ARHGEF18: variants seen among roughly 807,000 people sequenced by gnomAD.
ARHGEF18 encodes the protein Rho/Rac guanine nucleotide exchange factor 18.
In ARHGEF18, 93 loss-of-function variants were observed where a neutral mutation model predicts 155.7. That is an observed-to-expected ratio of 0.60 (90% CI 0.50 to 0.71). The LOEUF (loss-of-function observed/expected upper bound fraction) is 0.71, where lower values mean the gene tolerates loss of function less well. Among genes scored for constraint, ARHGEF18 ranks in the 30% least tolerant of loss-of-function variants. ARHGEF18 has a pLI of 0.00. For synonymous variants in ARHGEF18, 742 were observed against 753.1 expected (o/e 0.99, Z 0.24); for missense variants, 1,593 against 1,816.1 (o/e 0.88, Z 2.23).
chr19:7,378,424 A>G lies in ARHGEF18; in HGVS notation c.572A>G (p.Glu191Gly), dbSNP rs1970563173. The G allele has an allele frequency of 1.6e-6, 2 of 1,234,230 alleles. No individual in the cohort carries two copies. Among genetic ancestry groups the G allele is most frequent in the East Asian group, 6.3e-5 (2 of 31,682 alleles). The allele number at this position is 1,234,230 out of a possible 1,614,324, so 76.5% of individuals were successfully genotyped here. The change falls in exon 6 of 29, where the codon GAA becomes GGA. Residue 191 changes from glutamate (E) to glycine (G), a missense_variant. Physicochemically the swap from Glu to Gly is moderately conservative, Grantham distance 98. Transcript: ENST00000668164. ...GLEPPVLECM[E>G]KDHVEPDHVL... ...GAACCTCCAGTGCTGGAGTGCATGG[A>G]AAAAGACCATGTGGAACCAGATCAC...
At chr19:7,446,850 C>T (rs189958289) in intron 14 of ARHGEF18, among the ~76,000 whole-genome samples, 193 bp from the exon 15 acceptor site, 4 of 148,786 alleles carry the variant, frequency 2.7e-5, no homozygotes, top group Admixed American at 6.8e-5. Context: ...GAGCCAAGAT[C>T]GCGCCATTGC....
chr19:7,420,807 CA>C, intron 10 of ARHGEF18, among the ~76,000 whole-genome samples: 1 of 152,326 alleles, frequency 6.6e-6, no homozygotes, highest in Admixed American at 6.5e-5. Context: ...TGCCCTGAGT[CA>C]CACCCGTCGT....
intron 16 of ARHGEF18, among the ~76,000 whole-genome samples, chr19:7,452,633 T>G (rs1210286447): frequency 6.6e-6 from 1 of 151,508 alleles, no homozygotes; most frequent in African/African-American, 2.4e-5. Flanking sequence ...GCCTGGCTAA[T>G]TTTTATATTT....
intron 10 of ARHGEF18, among the ~76,000 whole-genome samples, chr19:7,427,943 C>CAAAAAAG (rs1434944282): frequency 7.4e-5 from 11 of 148,764 alleles, no homozygotes; most frequent in African/African-American, 2.7e-4. Context: ...GACTCTGTCT[C>CAAAAAAG]AAAAAAGAAA....
intron 10 of ARHGEF18, among the ~76,000 whole-genome samples, chr19:7,408,907 G>A (rs1401172931): frequency 1.3e-5 from 2 of 152,054 alleles, no homozygotes; most frequent in East Asian, 3.9e-4. Context: ...TTACACACGC[G>A]TGGTGACTAC....
chr19:7,421,141 G>A (rs1233450650), intron 10 of ARHGEF18, among the ~76,000 whole-genome samples: 1 of 59,462 alleles, frequency 1.7e-5, no homozygotes, highest in Non-Finnish European at 2.9e-5. Flanking sequence ...GTGTTGTCCA[G>A]GCTGGTCTCA....
intron 10 of ARHGEF18, among the ~76,000 whole-genome samples, chr19:7,408,147 C>T (rs1421427439): frequency 6.6e-6 from 1 of 151,934 alleles, no homozygotes; most frequent in Non-Finnish European, 1.5e-5. Flanking sequence ...GGCATTGTGG[C>T]TTATGCCTAT....
intron 1 of ARHGEF18, among the ~76,000 whole-genome samples, chr19:7,360,030 C>T (rs1390173983): frequency 1.3e-5 from 2 of 151,998 alleles, no homozygotes; most frequent in Admixed American, 6.6e-5. Context: ...TGGTACACAT[C>T]GGTGGTCCCA....
At chr19:7,391,119 ACCTG>A (rs1971379311) in intron 10 of ARHGEF18, among the ~76,000 whole-genome samples, 1 of 151,944 alleles carries the variant, frequency 6.6e-6, no homozygotes, top group African/African-American at 2.4e-5. Context: ...ACCCCTCCCC[ACCTG>A]TGTCAGGAGG....
At position 7,395,012 on chromosome 19, in the gene ARHGEF18, G is replaced by A. The variant is rs944309297; in HGVS notation, c.967+11809G>A. The A allele has an allele frequency of 7.2e-6, 7 of 978,092 alleles. No individual in the cohort carries two copies. The highest frequency in any genetic ancestry group is 8.5e-6 in the Non-Finnish European group (7 of 823,438). The allele number at this position is 978,092 out of a possible 1,614,324, so 60.6% of individuals were successfully genotyped here. On this transcript the variant is annotated intron_variant, in intron 10 of 28. Transcript: ENST00000668164. This position sits in a 1 kb window ranked among gnomAD's most constrained non-coding sequence, Gnocchi z 5.0. ...CCTCACCACGGCTCGGGGAGCAGCA[G>A]CCCCAGGTCCCCGGGAGCGCCCCGC... is the stretch of plus-strand genomic sequence containing the variant.
chr19:7,436,026 C>T (rs1199604315), intron 10 of ARHGEF18, among the ~76,000 whole-genome samples: 3 of 151,942 alleles, frequency 2.0e-5, no homozygotes, highest in Non-Finnish European at 4.4e-5. Context: ...TTTTAAGAGA[C>T]GAGATCTCAC....
intron 10 of ARHGEF18, among the ~76,000 whole-genome samples, chr19:7,401,934 A>G (rs1972037407): frequency 6.6e-6 from 1 of 152,196 alleles, no homozygotes; most frequent in South Asian, 2.1e-4. Context: ...GGACCTGGAA[A>G]AAACTTGCTC....
chr19:7,425,032 G>GCTATA (rs1483474779), intron 10 of ARHGEF18, among the ~76,000 whole-genome samples: 18 of 151,352 alleles, frequency 1.2e-4, no homozygotes, highest in African/African-American at 4.4e-4. Flanking sequence ...AGGTAACAGT[G>GCTATA]CTATAGGTGA....
At chr19:7,394,720 C>T (rs139651647) in intron 10 of ARHGEF18, among the ~76,000 whole-genome samples, 3,004 of 151,806 alleles carry the variant, frequency 0.02, 39 homozygotes, top group Middle Eastern at 0.054. Flanking sequence ...CTGTCCTCCT[C>T]AGGACTCCCT....
rs533846947 is a variant in ARHGEF18 at position 7,443,487 on chromosome 19, C to T, written c.1361-717C>T. On this transcript the variant is annotated intron_variant, in intron 13 of 28. Transcript: ENST00000668164. ...GAGTGCTGGGATTACAGACGTGAGC[C>T]ACCACCCTTGGCCCTCAGGTCCTTT... is the stretch of plus-strand genomic sequence containing the variant. 1.2e-4 allele frequency among the ~76,000 whole-genome samples: 19 copies of T among 152,290 alleles called. 1 individual carries two copies. The South Asian group carries it at 3.9e-3, about 32-fold the overall frequency.
At position 7,469,980 on chromosome 19, in the gene ARHGEF18, C is replaced by T. The variant is rs1976919815; in HGVS notation, c.3864C>T (p.Arg1288=). The T allele has an allele frequency of 1.9e-6, 3 of 1,613,258 alleles. No homozygotes were observed. The highest frequency in any genetic ancestry group is 2.7e-5 in the African/African-American group (2 of 75,040). The part of the protein sequence containing the change: ...GKDESTSRNR[R]SLSPILPGRH... ...ATGAGAGCACCTCACGGAACCGCCG[C>T]TCGCTGAGCCCTATCCTGCCCGGCA... is the stretch of plus-strand genomic sequence containing the variant. The change falls in exon 28 of 29, where the codon CGC becomes CGT. Residue 1288 remains arginine, a synonymous_variant. Transcript: ENST00000668164.
intron 16 of ARHGEF18, among the ~76,000 whole-genome samples, chr19:7,452,878 C>G (rs551149985): frequency 1.3e-5 from 2 of 151,828 alleles, no homozygotes; most frequent in African/African-American, 2.4e-5. Flanking sequence ...CTTCTGCATT[C>G]GATAGATGCT....
chr19:7,457,026 G>A (rs928259247), intron 18 of ARHGEF18, among the ~76,000 whole-genome samples: 3 of 152,112 alleles, frequency 2.0e-5, no homozygotes, highest in Non-Finnish European at 4.4e-5. Context: ...GTGCGCCACC[G>A]TGCCCAGCTG....
chr19:7,467,191 C>A (rs759180549), intron 25 of ARHGEF18, 23 bp from the exon 26 acceptor site: 1 of 1,580,000 alleles, frequency 6.3e-7, no homozygotes, highest in Non-Finnish European at 8.6e-7. Flanking sequence ...GGCTCTCACT[C>A]GCCTGGCCCT....
Sources: allele counts gnomAD v4.1 joint callset (sites outside exome capture counted in the v4.1 genomes callset), GRCh38; gene constraint gnomAD v4.1.1; non-coding constraint Gnocchi (gnomAD v3.1); transcripts MANE v1.5; gene names NCBI Gene and HGNC (gene_info 2026-07-23, HGNC 2026-07-21).